CR1: variants seen among roughly 807,000 people sequenced by gnomAD.
The protein encoded by CR1 is complement C3b/C4b receptor 1 (Knops blood group), also known as complement receptor type 1.
Under a neutral mutation model 187.3 loss-of-function variants are expected in CR1, and 116 were observed. The observed-to-expected ratio is 0.62, with a 90% CI of 0.53 to 0.72. The LOEUF is 0.72. Among genes scored for constraint, CR1 ranks in the 30% least tolerant of loss-of-function variants. The probability of loss-of-function intolerance (pLI) is 0.00; values close to 1 mark genes in which losing one functional copy is unlikely to be tolerated. For synonymous variants in CR1, 576 were observed against 747.1 expected (o/e 0.77, Z 3.73); for missense variants, 1,731 against 2,110.7 (o/e 0.82, Z 3.52).
At chr1:207,636,657 A>T (rs1023385861) in intron 46 of CR1, among the ~76,000 whole-genome samples, 1 of 152,244 alleles carries the variant, frequency 6.6e-6, no homozygotes, top group Non-Finnish European at 1.5e-5. Context: ...AGTGCAATGC[A>T]ACTCCTGCCA....
At chr1:207,563,709 CT>C in intron 21 of CR1, among the ~76,000 whole-genome samples, 154 bp from the exon 22 acceptor site, 1 of 21,402 alleles carries the variant, frequency 4.7e-5, no homozygotes, top group East Asian at 1.4e-3. Context: ...AGACATCTTC[CT>C]TGCCCCGTGT....
At chr1:207,623,615 C>T (rs1023171833) in intron 45 of CR1, among the ~76,000 whole-genome samples, 1 of 149,934 alleles carries the variant, frequency 6.7e-6, no homozygotes, top group African/African-American at 2.4e-5. Flanking sequence ...CACACACACA[C>T]ACACACACAC....
chr1:207,632,774 G>A (rs151109033), intron 46 of CR1, among the ~76,000 whole-genome samples: 3,019 of 142,686 alleles, frequency 0.021, 57 homozygotes, highest in Non-Finnish European at 0.028. Flanking sequence ...CTCCAGCCTG[G>A]GTGACAGAGC....
In CR1 at chr1:207,556,679, A is replaced by ATATATC. The variant is rs1377416094; in HGVS notation, c.3102-1858_3102-1857insATATCT. Among the ~76,000 whole-genome samples the ATATATC allele has an allele frequency of 4.7e-5, 3 of 63,196 alleles. 1 individual carries two copies. Among genetic ancestry groups the ATATATC allele is most frequent in the Non-Finnish European group, 1.0e-4 (3 of 29,068 alleles). The allele number at this position is 63,196 out of a possible 152,430, so 41.5% of individuals were successfully genotyped here. A position where few individuals can be genotyped will look rare whatever the true frequency, so the allele number is the denominator to read the frequency against. Reference sequence around the variant, plus strand: ...TATATATATATATATATATATATATATCACAATGAATATTGCAGAAAATTA... The same window carrying ATATATC: ...TATATATATATATATATATATATATATATATCTCACAATGAATATTGCAGAAAATTA... On this transcript the variant is annotated intron_variant, in intron 19 of 46. Transcript: ENST00000367049.
intron 45 of CR1, among the ~76,000 whole-genome samples, chr1:207,624,607 G>C (rs1455475398): frequency 9.2e-5 from 14 of 152,124 alleles, no homozygotes; most frequent in Admixed American, 9.2e-4. Context: ...CAATTTCATG[G>C]AAAAATACTG....
At chr1:207,602,613 G>A (rs1038784069) in intron 35 of CR1, among the ~76,000 whole-genome samples, 3 of 151,916 alleles carry the variant, frequency 2.0e-5, no homozygotes, top group Non-Finnish European at 2.9e-5. Flanking sequence ...AAGAACACTC[G>A]GCATCCTTCC....
chr1:207,526,185 C>T lies in CR1; in HGVS notation c.887-568C>T, dbSNP rs549748333. 7.7e-4 allele frequency among the ~76,000 whole-genome samples: 117 copies of T among 152,150 alleles called. 3 individuals carry two copies. Among genetic ancestry groups the T allele is most frequent in the African/African-American group, 2.8e-3 (115 of 41,400 alleles). ...TGAATGACTAGGCAGCACCTTGCTA[C>T]ATAGCATGAGGAGAGGAGACCCATA... is the stretch of plus-strand genomic sequence containing the variant. On this transcript the variant is annotated intron_variant, in intron 5 of 46. Transcript: ENST00000367049.
At chr1:207,513,881 A>G (rs978331557) in intron 4 of CR1, among the ~76,000 whole-genome samples, 1 of 151,894 alleles carries the variant, frequency 6.6e-6, no homozygotes, top group Non-Finnish European at 1.5e-5. Flanking sequence ...ATTGGTAGCA[A>G]TAGATGTCAT....
In CR1 at chr1:207,496,425, G is replaced by A. The variant is rs772751212; in HGVS notation, c.121+37G>A. Reference sequence around the variant, plus strand: ...GCGGGCGTGGGGAGGCGCCCGGGCGGACGAGGAACCCGGGGCCCCGCAGAG... The same window carrying A: ...GCGGGCGTGGGGAGGCGCCCGGGCGAACGAGGAACCCGGGGCCCCGCAGAG... On this transcript the variant is annotated intron_variant, in intron 1 of 46. Coordinates refer to ENST00000367049, the MANE Select transcript of CR1 (RefSeq NM_000651.6). 7.0e-6 allele frequency: 11 copies of A among 1,573,692 alleles called. No homozygotes were observed. The South Asian group carries it at 1.2e-4, about 18-fold the overall frequency.
chr1:207,578,978 C>A (rs1181583323), intron 29 of CR1, among the ~76,000 whole-genome samples: 1 of 152,210 alleles, frequency 6.6e-6, no homozygotes, highest in Non-Finnish European at 1.5e-5. Flanking sequence ...AAGCCATCCA[C>A]GTCCTACATT....
intron 44 of CR1, 151 bp from the exon 45 acceptor site, chr1:207,622,842 T>C (rs1662352996): frequency 4.9e-6 from 3 of 615,590 alleles, no homozygotes; most frequent in South Asian, 4.1e-5. Context: ...AGACTAATGC[T>C]ATAGAAACCC....
rs1553285741 is a variant in CR1, at chr1:207,505,932, A to T, written c.150A>T (p.Pro50=). ...WGQCNAPEWL[P]FARPTNLTDE... is the part of the protein sequence containing the mutation. The stretch of plus-strand genomic sequence containing the variant: ...AATGCAATGCCCCAGAATGGCTTCC[A>T]TTTGCCAGGCCTACCAACCTAACTG... Residue 50 remains proline (P), a synonymous_variant, in exon 2 of 47, where the codon CCA becomes CCT. Transcript: ENST00000367049. The T allele has an allele frequency of 6.2e-7, 1 of 1,613,860 alleles. No individual in the cohort carries two copies.
chr1:207,510,985 C>CT (rs1172466017), intron 3 of CR1, among the ~76,000 whole-genome samples: 2 of 152,094 alleles, frequency 1.3e-5, no homozygotes, highest in African/African-American at 4.8e-5. Context: ...CCACGCCTGG[C>CT]TTTTTTATAA....
intron 4 of CR1, among the ~76,000 whole-genome samples, chr1:207,522,078 A>C (rs1660015364): frequency 6.6e-6 from 1 of 152,064 alleles, no homozygotes; most frequent in African/African-American, 2.4e-5. Flanking sequence ...GTGTTATTTT[A>C]TCTCTCCAAA....
intron 1 of CR1, 26 bp from the exon 2 acceptor site, chr1:207,505,878 G>A (rs767370684): frequency 6.3e-7 from 1 of 1,578,972 alleles, no homozygotes; most frequent in Non-Finnish European, 8.6e-7. Context: ...CATTAACTTT[G>A]ATGCTTCTAT....
chr1:207,578,466 GCTGC>G (rs1660837680), intron 29 of CR1, among the ~76,000 whole-genome samples: 1 of 152,212 alleles, frequency 6.6e-6, no homozygotes, highest in South Asian at 2.1e-4. Flanking sequence ...CAAAGTACCA[GCTGC>G]AATCTCTCTC....
At chr1:207,515,107 G>A (rs1294720996) in intron 4 of CR1, among the ~76,000 whole-genome samples, 1 of 143,930 alleles carries the variant, frequency 6.9e-6, no homozygotes, top group Non-Finnish European at 1.5e-5. Flanking sequence ...GTGTATATAT[G>A]TACGTATATA....
chr1:207,596,319 T>C (rs986036108), intron 35 of CR1, among the ~76,000 whole-genome samples: 18 of 152,140 alleles, frequency 1.2e-4, no homozygotes, highest in African/African-American at 4.3e-4. Flanking sequence ...AGGTCCTTAA[T>C]ACTTCTTAAA....
intron 41 of CR1, among the ~76,000 whole-genome samples, chr1:207,617,536 T>TGTGC (rs1662153685): frequency 9.3e-6 from 1 of 107,284 alleles, no homozygotes; most frequent in African/African-American, 3.6e-5. Context: ...TGTGTGTGTG[T>TGTGC]GTATGTGTGT....
Sources: allele counts gnomAD v4.1 joint callset (sites outside exome capture counted in the v4.1 genomes callset), GRCh38; gene constraint gnomAD v4.1.1; transcripts MANE v1.5; gene names NCBI Gene and HGNC (gene_info 2026-07-23, HGNC 2026-07-21).